PARP1: variants seen among roughly 807,000 people sequenced by gnomAD.
The protein encoded by PARP1 is poly [ADP-ribose] polymerase 1.
A neutral mutation model predicts 118.7 loss-of-function variants in PARP1; 44 were observed. That is an observed-to-expected ratio of 0.37 (90% CI 0.29 to 0.48). PARP1 has a LOEUF of 0.48. PARP1 is among the 20% of genes least tolerant of loss of function. The pLI is 0.99. For synonymous variants in PARP1, 492 were observed against 483.2 expected (o/e 1.02, Z -0.24); for missense variants, 1,100 against 1,272.4 (o/e 0.86, Z 2.06).
chr1:226,363,400 G>C (rs1425362494), intron 20 of PARP1, among the ~76,000 whole-genome samples: 3 of 152,154 alleles, frequency 2.0e-5, no homozygotes, highest in African/African-American at 7.2e-5. Context: ...TTCAAGGCAA[G>C]GCCCTATTTG....
chr1:226,387,999 C>T (rs1391217339), intron 5 of PARP1, among the ~76,000 whole-genome samples: 1 of 152,194 alleles, frequency 6.6e-6, no homozygotes, highest in Non-Finnish European at 1.5e-5. Context: ...GAGACACAAG[C>T]AGATGGTTCA....
chr1:226,377,003 A>G (rs1390373127), intron 13 of PARP1, 105 bp downstream of exon 13: 3 of 968,134 alleles, frequency 3.1e-6, no homozygotes, highest in Non-Finnish European at 5.0e-6. Flanking sequence ...AACATTTGGT[A>G]GTATGTTTAC....
At chr1:226,392,897 C>A in intron 2 of PARP1, 1 of 1,557,046 alleles carries the variant, frequency 6.4e-7, no homozygotes, top group Non-Finnish European at 8.6e-7. Context: ...AAATAAATTC[C>A]CAGGTTGAAT....
chr1:226,407,542 A>G (rs893105361), intron 1 of PARP1, among the ~76,000 whole-genome samples: 1 of 152,150 alleles, frequency 6.6e-6, no homozygotes, highest in East Asian at 1.9e-4. Flanking sequence ...AAAGGAGAAG[A>G]GAAGAGGCTC....
chr1:226,402,088 T>A (rs374235417), intron 2 of PARP1, 126 bp downstream of exon 2: 1 of 1,582,564 alleles, frequency 6.3e-7, no homozygotes, highest in African/African-American at 1.3e-5. Context: ...ATGGGCACCA[T>A]ACGCTTGATC....
At chr1:226,397,509 C>T (rs887159741) in intron 2 of PARP1, among the ~76,000 whole-genome samples, 1 of 152,296 alleles carries the variant, frequency 6.6e-6, no homozygotes, top group South Asian at 2.1e-4. Context: ...CCCACTAAAT[C>T]TCCTATCAAA....
chr1:226,362,988 C>G (rs1664181040), intron 21 of PARP1, 111 bp downstream of exon 21: 1 of 789,868 alleles, frequency 1.3e-6, no homozygotes, highest in African/African-American at 1.7e-5. Flanking sequence ...AAATGAATCT[C>G]CAGCTGTTTG....
At position 226,370,470 on chromosome 1, in the gene PARP1, G is replaced by A. The variant is rs1664358377; in HGVS notation, c.2118C>T (p.Ile706=). The change falls in exon 15 of 23, where the codon ATC becomes ATT. Residue 706 remains isoleucine (I), a synonymous_variant. Transcript: ENST00000366794. The part of the protein sequence containing the change: ...MPLGKLSKRQ[I]QAAYSILSEV... ...CACTGAGGATGGAGTATGCGGCCTG[G>A]ATCTGCCTTTTGCTCAGCTTCCCCA... is the stretch of plus-strand genomic sequence containing the variant. The A allele has an allele frequency of 6.2e-7, 1 of 1,613,940 alleles. No homozygotes were observed. The highest frequency in any genetic ancestry group is 1.3e-5 in the African/African-American group (1 of 74,908).
chr1:226,382,186 C>T (rs1664622449), intron 8 of PARP1, among the ~76,000 whole-genome samples: 1 of 152,208 alleles, frequency 6.6e-6, no homozygotes, highest in Non-Finnish European at 1.5e-5. Flanking sequence ...AAACTGTGAC[C>T]TTCACCAATA....
Position 226,403,607 on chromosome 1 carries a change from C to G in PARP1, c.121-1228G>C, listed in dbSNP as rs150713351. 2.0e-5 allele frequency among the ~76,000 whole-genome samples: 3 copies of G among 152,174 alleles called. No individual in the cohort carries two copies. The South Asian group carries it at 6.2e-4, about 32-fold the overall frequency. ...AATCTGCCTCTGGGTGGGAACCAGC[C>G]CTTTCATTCACAGATGGAGACAGTG... On this transcript the variant is annotated intron_variant, in intron 1 of 22. Coordinates refer to ENST00000366794, the MANE Select transcript of PARP1 (RefSeq NM_001618.4).
At chr1:226,384,496 A>G (rs942801205) in intron 7 of PARP1, among the ~76,000 whole-genome samples, 2 of 152,244 alleles carry the variant, frequency 1.3e-5, no homozygotes, top group African/African-American at 4.8e-5. Context: ...TCTACAATTG[A>G]TATATAAAAT....
intron 2 of PARP1, chr1:226,392,780 A>G (rs968134082): frequency 6.3e-6 from 4 of 639,092 alleles, no homozygotes; most frequent in Non-Finnish European, 1.0e-5. Context: ...TATGTACTAA[A>G]GGTATCATTT....
intron 12 of PARP1, among the ~76,000 whole-genome samples, chr1:226,378,244 C>G (rs1664533353): frequency 6.6e-6 from 1 of 152,044 alleles, no homozygotes; most frequent in Admixed American, 6.5e-5. Flanking sequence ...TACACTGACA[C>G]ATAAATGCTA....
rs191158841 is a variant in PARP1 at position 226,400,745 on chromosome 1, A to G, written c.286+1469T>C. ...GCGTGACTGTGCAGAGGCCAGGAACACAGTCTGGAAGTGCAGAGAACCACA... is the reference window on the plus strand; with the variant it reads ...GCGTGACTGTGCAGAGGCCAGGAACGCAGTCTGGAAGTGCAGAGAACCACA... On this transcript the variant is annotated intron_variant, in intron 2 of 22. Coordinates refer to ENST00000366794, the MANE Select transcript of PARP1 (RefSeq NM_001618.4). 8.5e-5 allele frequency among the ~76,000 whole-genome samples: 13 copies of G among 152,352 alleles called. No homozygotes were observed. In the East Asian group the frequency reaches 2.5e-3, roughly 29 times the overall value.
chr1:226,397,378 T>A (rs575441535), intron 2 of PARP1, among the ~76,000 whole-genome samples: 1 of 152,140 alleles, frequency 6.6e-6, no homozygotes, highest in South Asian at 2.1e-4. Context: ...ATTTACTTTT[T>A]AAAATTCCCA....
intron 13 of PARP1, 130 bp downstream of exon 13, chr1:226,376,978 T>C: frequency 1.2e-6 from 1 of 864,972 alleles, no homozygotes; most frequent in Non-Finnish European, 1.9e-6. Flanking sequence ...TGTGAAGGAC[T>C]ATTATTCTCC....
chr1:226,408,061 G>A lies in PARP1; in HGVS notation c.-132C>T, dbSNP rs986438025. On this transcript the variant is annotated 5_prime_UTR_variant, in exon 1 of 23. Transcript: ENST00000366794. ...GGCCAGAGCCGCCACCGAACACGCC[G>A]CACCGGCCACCGCCGTTCCCTGATA... 6.1e-6 allele frequency: 8 copies of A among 1,321,004 alleles called. No individual in the cohort carries two copies. Among genetic ancestry groups the A allele is most frequent in the East Asian group, 2.5e-5 (1 of 40,154 alleles). The allele number at this position is 1,321,004 out of a possible 1,614,324, so 81.8% of individuals were successfully genotyped here.
Position 226,364,906 on chromosome 1 carries a change from AT to A in PARP1, c.2658+95del. The A allele has an allele frequency of 2.2e-6, 3 of 1,357,362 alleles. No individual in the cohort carries two copies. The South Asian group carries it at 3.5e-5, about 16-fold the overall frequency. The allele number at this position is 1,357,362 out of a possible 1,614,324, so 84.1% of individuals were successfully genotyped here. ...GCCCAAAGAAAGGATGTCTGGCAGA[AT>A]CCCCCTAAACCAACTAGACCTCTTG... On this transcript the variant is annotated intron_variant, in intron 19 of 22. Transcript: ENST00000366794.
rs745775860 is a variant in PARP1, at chr1:226,367,573, G to A, written c.2313C>T (p.Ile771=). ...CCCTGAGCAGACTGTAGGCCACCTCGATGTCCAGCAGGTTGTCAAGCATTT... is the reference window on the plus strand; with the variant it reads ...CCCTGAGCAGACTGTAGGCCACCTCAATGTCCAGCAGGTTGTCAAGCATTT... ...KVEMLDNLLD[I]EVAYSLLRGG... Residue 771 remains isoleucine (I), a synonymous_variant, in exon 17 of 23, where the codon ATC becomes ATT. Coordinates refer to ENST00000366794, the MANE Select transcript of PARP1 (RefSeq NM_001618.4). The A allele has an allele frequency of 7.4e-6, 12 of 1,614,112 alleles. No individual in the cohort carries two copies. The highest frequency in any genetic ancestry group is 1.0e-5 in the Non-Finnish European group (12 of 1,179,992).
Sources: gnomAD v4.1 joint callset for allele counts (sites outside exome capture counted in the v4.1 genomes callset) on GRCh38, gnomAD v4.1.1 for gene constraint, MANE v1.5 for transcripts, NCBI Gene and HGNC (gene_info 2026-07-23, HGNC 2026-07-21) for gene names.